Variants in RDX observed in about 807,000 individuals in gnomAD.
RDX encodes the protein radixin.
In RDX, 32 loss-of-function variants were observed where a neutral mutation model predicts 83.7. That is an observed-to-expected ratio of 0.38 (90% CI 0.29 to 0.51). The LOEUF is 0.51. Ranked by LOEUF, RDX falls within the 20% of genes least tolerant of loss-of-function variation. RDX has a pLI of 0.87. For missense variants in RDX, 600 were observed against 689.9 expected, an observed-to-expected ratio of 0.87 and a Z score of 1.46; for synonymous variants, 229 against 222.7, an observed-to-expected ratio of 1.03 and a Z score of -0.25.
At chr11:110,266,371 G>A (rs1039741326) in intron 3 of RDX, among the ~76,000 whole-genome samples, 3 of 151,888 alleles carry the variant, frequency 2.0e-5, no homozygotes, top group African/African-American at 7.3e-5. Context: ...AAATAAAGTG[G>A]TGGAGTTAGG....
chr11:110,182,385 G>C (rs1862905178), intron 15 of RDX, among the ~76,000 whole-genome samples: 1 of 152,186 alleles, frequency 6.6e-6, no homozygotes, highest in Admixed American at 6.5e-5. Flanking sequence ...TTGGATTGCT[G>C]GGCTCAGGAG....
intron 10 of RDX, among the ~76,000 whole-genome samples, chr11:110,246,564 C>T (rs1859114245): frequency 6.6e-6 from 1 of 152,070 alleles, no homozygotes; most frequent in African/African-American, 2.4e-5. Flanking sequence ...CACTTGAAGT[C>T]AGGAGGTCAA....
chr11:110,208,932 G>C (rs893687173), intron 14 of RDX, among the ~76,000 whole-genome samples: 1 of 152,306 alleles, frequency 6.6e-6, no homozygotes, highest in East Asian at 1.9e-4. Context: ...CTCTAGCCTG[G>C]GCAACAAGAG....
intron 14 of RDX, among the ~76,000 whole-genome samples, chr11:110,201,288 G>A (rs1043322942): frequency 4.6e-5 from 7 of 151,716 alleles, no homozygotes; most frequent in Non-Finnish European, 8.8e-5. Context: ...TACTATTTAT[G>A]TAGATTTAGA....
At chr11:110,215,685 A>G (rs908352374) in intron 14 of RDX, among the ~76,000 whole-genome samples, 2 of 152,228 alleles carry the variant, frequency 1.3e-5, no homozygotes, top group Admixed American at 6.5e-5. Flanking sequence ...TATGCAGACA[A>G]AATAATCCTT....
chr11:110,215,047 A>ATATATATATATATATATATATATAT (rs1555033344), intron 14 of RDX, among the ~76,000 whole-genome samples: 1 of 116,056 alleles, frequency 8.6e-6, no homozygotes, highest in African/African-American at 3.2e-5. Flanking sequence ...AAAAAAAAAA[A>ATATATATATATATATATATATATAT]AAATATATAT....
At chr11:110,213,102 C>A (rs963573823) in intron 14 of RDX, among the ~76,000 whole-genome samples, 32 of 151,874 alleles carry the variant, frequency 2.1e-4, no homozygotes, top group South Asian at 4.2e-4. Flanking sequence ...GTCTCAGCCC[C>A]AAATCTCCTT....
intron 9 of RDX, 147 bp downstream of exon 9, chr11:110,253,799 G>A (rs1278154488): frequency 2.8e-6 from 2 of 722,708 alleles, no homozygotes; most frequent in African/African-American, 3.6e-5. Flanking sequence ...CGTTTTAAAG[G>A]ACAGAGTGAT....
intron 1 of RDX, among the ~76,000 whole-genome samples, chr11:110,292,411 A>C (rs1009847871): frequency 5.3e-5 from 8 of 152,168 alleles, no homozygotes; most frequent in Non-Finnish European, 5.9e-5. Flanking sequence ...TCAAGGCTGC[A>C]GTGAGCTGTA....
chr11:110,225,864 T>C (rs1330420956), downstream of RDX, among the ~76,000 whole-genome samples: 1 of 150,448 alleles, frequency 6.6e-6, no homozygotes, highest in Non-Finnish European at 1.5e-5. Context: ...CTAACCAACA[T>C]GGAGAAATCC....
Position 110,229,518 on chromosome 11 carries a change from T to C in RDX, c.*2351A>G, listed in dbSNP as rs1481894559. On this transcript the variant is annotated 3_prime_UTR_variant, in exon 14 of 14. Coordinates refer to ENST00000645495, the MANE Select transcript of RDX (RefSeq NM_002906.4). ...AATTAGAGATGTAATTGTAACTTAA[T>C]TGTACAACACAAAATTATGCTAATG... is the stretch of plus-strand genomic sequence containing the variant. 2 of 152,486 alleles carry C rather than the reference T, an allele frequency of 1.3e-5. No homozygotes were observed. Among genetic ancestry groups the C allele is most frequent in the Non-Finnish European group, 2.9e-5 (2 of 67,902 alleles). The allele number at this position is 152,486 out of a possible 1,614,324, so 9.4% of individuals were successfully genotyped here.
chr11:110,241,458 A>T (rs1565310316), intron 10 of RDX, among the ~76,000 whole-genome samples: 1 of 152,030 alleles, frequency 6.6e-6, no homozygotes, highest in African/African-American at 2.4e-5. Flanking sequence ...CACCACACCC[A>T]GCTAATTTTT....
chr11:110,259,426 ACT>A (rs1358375872), intron 5 of RDX, among the ~76,000 whole-genome samples: 4 of 152,228 alleles, frequency 2.6e-5, no homozygotes, highest in Admixed American at 1.3e-4. Context: ...TTAAAATATT[ACT>A]GTTTTACTAT....
intron 14 of RDX, among the ~76,000 whole-genome samples, chr11:110,212,364 G>T (rs1188560274): frequency 7.9e-6 from 1 of 127,088 alleles, no homozygotes; most frequent in Non-Finnish European, 1.7e-5. Flanking sequence ...ACCAAAAAGA[G>T]TCCAGGACCA....
intron 9 of RDX, 120 bp from the exon 10 acceptor site, chr11:110,247,953 G>C: frequency 8.8e-7 from 1 of 1,130,840 alleles, no homozygotes; most frequent in Non-Finnish European, 1.3e-6. Context: ...CTTGGATGAA[G>C]CTGGAGGCCA....
intron 14 of RDX, among the ~76,000 whole-genome samples, chr11:110,206,640 T>C (rs1863616579): frequency 6.6e-6 from 1 of 152,242 alleles, no homozygotes; most frequent in Non-Finnish European, 1.5e-5. Context: ...CATTTATATT[T>C]CTACTAGATG....
rs750867106 is a variant in RDX, at chr11:110,255,369, C to G, written c.715G>C (p.Gly239Arg). 2 of 1,553,374 alleles carry G rather than the reference C, an allele frequency of 1.3e-6. No individual in the cohort carries two copies. Among genetic ancestry groups the G allele is most frequent in the Non-Finnish European group, 1.8e-6 (2 of 1,125,460 alleles). The change falls in exon 8 of 14, where the codon GGT (glycine) becomes CGT (arginine). Residue 239 changes from glycine (G) to arginine (R), a missense_variant. Coordinates refer to ENST00000645495, the MANE Select transcript of RDX (RefSeq NM_002906.4). ...EHDDKLTPKI[G>R]FPWSEIRNIS... ...TTTCTGATTTCACTCCAGGGAAAAC[C>G]AATTTTAGGTGTTAACCTTAAAAAA...
intron 4 of RDX, among the ~76,000 whole-genome samples, 188 bp downstream of exon 4, chr11:110,264,587 ATTTC>A (rs1288238199): frequency 1.3e-5 from 2 of 149,986 alleles, no homozygotes; most frequent in African/African-American, 2.4e-5. Flanking sequence ...AAAAGTAAGC[ATTTC>A]TTTTTTTTTT....
At chr11:110,274,404 G>T (rs530042404) in intron 2 of RDX, among the ~76,000 whole-genome samples, 2 of 152,186 alleles carry the variant, frequency 1.3e-5, no homozygotes, top group South Asian at 2.1e-4. Context: ...CATTTTTCTT[G>T]ATTTTTAGCT....
Sources: allele counts gnomAD v4.1 joint callset (sites outside exome capture counted in the v4.1 genomes callset), GRCh38; gene constraint gnomAD v4.1.1; transcripts MANE v1.5; gene names NCBI Gene and HGNC (gene_info 2026-07-23, HGNC 2026-07-21).